Variants in TMEM178B observed in about 807,000 individuals in gnomAD.
TMEM178B encodes transmembrane protein 178B.
A neutral mutation model predicts 31.0 loss-of-function variants in TMEM178B; 5 were observed. The ratio of observed to expected loss-of-function variants is 0.16; its 90% CI spans 0.08 to 0.34. TMEM178B has a LOEUF of 0.34. TMEM178B is among the 10% of genes least tolerant of loss of function. The pLI is 1.00. For missense variants in TMEM178B, 275 were observed against 400.3 expected (o/e 0.69, Z 2.67); for synonymous variants, 164 against 164.0 (o/e 1.00, Z 0.00).
At chr7:141,180,027 C>T (rs1045673731) in intron 1 of TMEM178B, among the ~76,000 whole-genome samples, 1 of 152,136 alleles carries the variant, frequency 6.6e-6, no homozygotes, top group African/African-American at 2.4e-5. Flanking sequence ...AAGAGGAAAG[C>T]AATTTAATTA....
At chr7:141,268,053 G>A (rs1798122224) in intron 2 of TMEM178B, among the ~76,000 whole-genome samples, 1 of 152,192 alleles carries the variant, frequency 6.6e-6, no homozygotes, top group African/African-American at 2.4e-5. Flanking sequence ...GCCCATGCAA[G>A]CATTCTACAA....
intron 2 of TMEM178B, among the ~76,000 whole-genome samples, chr7:141,264,375 G>A (rs879488974): frequency 1.3e-5 from 2 of 152,230 alleles, no homozygotes; most frequent in Non-Finnish European, 2.9e-5. Context: ...TTGTTTGCCT[G>A]TATCTTCTTT....
chr7:141,158,132 G>C (rs1346638336), intron 1 of TMEM178B, among the ~76,000 whole-genome samples: 1 of 152,146 alleles, frequency 6.6e-6, no homozygotes, highest in Non-Finnish European at 1.5e-5. Context: ...GTCTCACTCT[G>C]TTGCCCAGGC....
At chr7:141,172,641 C>T (rs888231078) in intron 1 of TMEM178B, among the ~76,000 whole-genome samples, 4 of 152,108 alleles carry the variant, frequency 2.6e-5, no homozygotes, top group East Asian at 1.9e-4. Context: ...CAGGATGCCA[C>T]AGAGGAGGAC....
intron 2 of TMEM178B, among the ~76,000 whole-genome samples, chr7:141,328,987 G>T (rs966472939): frequency 6.6e-6 from 1 of 152,060 alleles, no homozygotes. Context: ...CTTCCTTCCT[G>T]ATTGGCCTTC....
chr7:141,185,819 C>G (rs1468094280), intron 1 of TMEM178B, among the ~76,000 whole-genome samples: 1 of 152,078 alleles, frequency 6.6e-6, no homozygotes, highest in Non-Finnish European at 1.5e-5. Context: ...TTCCCTTCCC[C>G]CTTTCCATAT....
chr7:141,490,924 G>A, the TMEM178B span, among the ~76,000 whole-genome samples: 139 of 152,366 alleles, frequency 9.1e-4, no homozygotes, highest in African/African-American at 3.3e-3. Context: ...TGTGCTCAAA[G>A]AGGTTAGGTG....
chr7:141,348,327 G>T (rs2116523998), intron 2 of TMEM178B, among the ~76,000 whole-genome samples: 1 of 152,362 alleles, frequency 6.6e-6, no homozygotes, highest in African/African-American at 2.4e-5. Flanking sequence ...GCTATGTAAT[G>T]CATTGCATCC....
At chr7:141,092,714 T>C (rs1422178886) in intron 1 of TMEM178B, among the ~76,000 whole-genome samples, 4 of 151,902 alleles carry the variant, frequency 2.6e-5, no homozygotes, top group African/African-American at 9.7e-5. Flanking sequence ...GTAAAACATA[T>C]AATACATTAG....
chr7:141,080,488 C>T (rs1334279736), intron 1 of TMEM178B, among the ~76,000 whole-genome samples: 4 of 152,096 alleles, frequency 2.6e-5, no homozygotes, highest in Non-Finnish European at 5.9e-5. Context: ...GGTGTGGTGG[C>T]GCATGCCTGT....
intron 2 of TMEM178B, among the ~76,000 whole-genome samples, chr7:141,268,439 C>A (rs1798128168): frequency 6.6e-6 from 1 of 152,212 alleles, no homozygotes; most frequent in South Asian, 2.1e-4. Flanking sequence ...GCAGGTCATA[C>A]ACATCAATTT....
At chr7:141,245,320 C>T (rs923757542) in intron 2 of TMEM178B, among the ~76,000 whole-genome samples, 3 of 147,932 alleles carry the variant, frequency 2.0e-5, no homozygotes, top group African/African-American at 7.5e-5. Flanking sequence ...GGAGGGAAAA[C>T]AGGACTGTGG....
At chr7:141,232,170 A>G (rs904264095) in intron 2 of TMEM178B, among the ~76,000 whole-genome samples, 3 of 152,236 alleles carry the variant, frequency 2.0e-5, no homozygotes, top group Non-Finnish European at 4.4e-5. Context: ...ATAGTATTCC[A>G]TGGTGTACAT....
the TMEM178B span, among the ~76,000 whole-genome samples, chr7:141,510,135 C>T: frequency 1.3e-5 from 2 of 152,244 alleles, no homozygotes; most frequent in Admixed American, 6.5e-5. Context: ...TGCTAGCTTC[C>T]GGGAGCCTGC....
At chr7:141,297,844 T>A (rs1245701838) in intron 2 of TMEM178B, among the ~76,000 whole-genome samples, 2 of 152,262 alleles carry the variant, frequency 1.3e-5, no homozygotes, top group African/African-American at 2.4e-5. Context: ...TATAGCAGCA[T>A]GATTTATAAT....
chr7:141,194,343 C>A (rs914645086), intron 1 of TMEM178B, among the ~76,000 whole-genome samples: 3 of 152,148 alleles, frequency 2.0e-5, no homozygotes, highest in Admixed American at 2.0e-4. Flanking sequence ...TTCCTAGATA[C>A]AATGGGATAC....
chr7:141,390,546 TC>T (rs1359410662), intron 2 of TMEM178B, among the ~76,000 whole-genome samples: 1 of 152,258 alleles, frequency 6.6e-6, no homozygotes, highest in Non-Finnish European at 1.5e-5. Context: ...CCGCCTGGTA[TC>T]CCAGTGGGGT....
intron 2 of TMEM178B, among the ~76,000 whole-genome samples, chr7:141,411,107 G>A (rs778729408): frequency 8.6e-5 from 13 of 151,140 alleles, no homozygotes; most frequent in Non-Finnish European, 1.8e-4. Flanking sequence ...AATGGTGGAG[G>A]CTAGGGGCTG....
At chr7:141,216,363 A>G (rs1251276063) in intron 2 of TMEM178B, among the ~76,000 whole-genome samples, 1 of 152,080 alleles carries the variant, frequency 6.6e-6, no homozygotes, top group African/African-American at 2.4e-5. Context: ...CACTAGGCTT[A>G]CAAATCTAAT....
Sources: allele counts gnomAD v4.1 joint callset (sites outside exome capture counted in the v4.1 genomes callset), GRCh38; gene constraint gnomAD v4.1.1; transcripts MANE v1.5; gene names NCBI Gene and HGNC (gene_info 2026-07-23, HGNC 2026-07-21).